The following CRMP1 variants were observed in gnomAD, a reference collection of about 807,000 sequenced individuals.
CRMP1 encodes the protein dihydropyrimidinase-related protein 1.
Under a neutral mutation model 68.3 loss-of-function variants are expected in CRMP1, and 19 were observed. The observed-to-expected ratio is 0.28, with a 90% CI of 0.19 to 0.41. CRMP1 has a LOEUF of 0.41. Among genes scored for constraint, CRMP1 ranks in the 10% least tolerant of loss-of-function variants. The pLI, the probability that CRMP1 is intolerant of heterozygous loss-of-function variation, is 1.00. For missense variants in CRMP1, 791 were observed against 967.4 expected (o/e 0.82, Z 2.42); for synonymous variants, 439 against 399.6 (o/e 1.10, Z -1.18).
Position 5,825,931 on chromosome 4 carries a change from C to CATGCAGTCATGCACACATAT in CRMP1, c.1804-292_1804-273dup. ...CACACCACGCACACGCACTCACATA[C>CATGCAGTCATGCACACATAT]ATGCAGTCATGCACACATATATGCA... is the stretch of plus-strand genomic sequence containing the variant. On this transcript the variant is annotated intron_variant, in intron 12 of 13. Coordinates refer to ENST00000324989, the MANE Select transcript of CRMP1 (RefSeq NM_001014809.3). This position sits in a 1 kb window ranked among gnomAD's most constrained non-coding sequence, Gnocchi z 4.4. 1 of 490,368 alleles carries CATGCAGTCATGCACACATAT rather than the reference C, an allele frequency of 2.0e-6. No individual in the cohort carries two copies. The highest frequency in any genetic ancestry group is 3.6e-6 in the Non-Finnish European group (1 of 279,104). 30.4% of individuals were successfully genotyped at this position (490,368 alleles called of 1,614,324 possible).
At chr4:5,847,847 G>T (rs142884286) in intron 6 of CRMP1, among the ~76,000 whole-genome samples, 4 of 152,166 alleles carry the variant, frequency 2.6e-5, no homozygotes, top group Non-Finnish European at 5.9e-5. Context: ...CGGAGTAGTT[G>T]TGAGTATCAA....
chr4:5,863,115 CTT>C (rs35515710), intron 2 of CRMP1, among the ~76,000 whole-genome samples: 11 of 140,060 alleles, frequency 7.9e-5, no homozygotes, highest in South Asian at 2.3e-4. Flanking sequence ...TCTTTTTTTC[CTT>C]TTTTTTTTTT....
In CRMP1 at chr4:5,833,418, G is replaced by A. The variant is rs1159385680; in HGVS notation, c.1623+2497C>T. Among the ~76,000 whole-genome samples the A allele has an allele frequency of 8.1e-5, 7 of 86,530 alleles. 2 individuals are homozygous for A. Among genetic ancestry groups the A allele is most frequent in the African/African-American group, 1.5e-4 (3 of 19,922 alleles). The allele number at this position is 86,530 out of a possible 152,430, so 56.8% of individuals were successfully genotyped here. On this transcript the variant is annotated intron_variant, in intron 11 of 13. Coordinates refer to ENST00000324989, the MANE Select transcript of CRMP1 (RefSeq NM_001014809.3). ...CCTGACCTCGTGATCCGCCCGCCTC[G>A]GCCTCCCAAAGTGCTGGGATTACAG...
At chr4:5,832,537 CAT>C (rs1269153337) in intron 11 of CRMP1, among the ~76,000 whole-genome samples, 7 of 152,060 alleles carry the variant, frequency 4.6e-5, no homozygotes, top group Admixed American at 1.3e-4. Context: ...TTTTTTAAAA[CAT>C]ATAAAAACAA....
chr4:5,892,465 C>T lies in CRMP1; in HGVS notation c.381+124G>A. On this transcript the variant is annotated intron_variant, in intron 1 of 13. Transcript: ENST00000324989. This position sits in a 1 kb window ranked among gnomAD's most constrained non-coding sequence, Gnocchi z 8.6. ...AGGTGGGGGAGGGGCCGCGCCGTGG[C>T]TCTCCCCAGCCTGGCGGCCGCTGCC... 3.0e-6 allele frequency: 3 copies of T among 995,548 alleles called. No homozygotes were observed. The highest frequency in any genetic ancestry group is 3.7e-6 in the Non-Finnish European group (3 of 800,916). The allele number at this position is 995,548 out of a possible 1,614,324, so 61.7% of individuals were successfully genotyped here.
chr4:5,835,875 G>T (rs1422768521), intron 11 of CRMP1, 40 bp downstream of exon 11: 10 of 1,394,572 alleles, frequency 7.2e-6, no homozygotes, highest in African/African-American at 4.5e-5. Context: ...TTACAACGAA[G>T]AATCACTTAT....
Position 5,821,556 on chromosome 4 carries a change from C to CACA in CRMP1, c.*201_*203dup. ...TGCTCCGAGGTGGATTCAGCATGAA[C>CACA]ACAACTGTGGGGCAAGGAATTTCCA... On this transcript the variant is annotated 3_prime_UTR_variant, in exon 14 of 14. Coordinates refer to ENST00000324989, the MANE Select transcript of CRMP1 (RefSeq NM_001014809.3). The surrounding 1 kb of genome is among the most constrained non-coding windows in gnomAD (Gnocchi z 4.4). 1 of 573,626 alleles carries CACA rather than the reference C, an allele frequency of 1.7e-6. No individual in the cohort carries two copies. The allele number at this position is 573,626 out of a possible 1,614,324, so 35.5% of individuals were successfully genotyped here.
At chr4:5,887,798 G>A in intron 1 of CRMP1, 2 of 990,764 alleles carry the variant, frequency 2.0e-6, no homozygotes, top group Non-Finnish European at 1.2e-6. Context: ...GGGAGGTACC[G>A]GGCTGTGGGG....
chr4:5,888,719 T>C lies in CRMP1; in HGVS notation c.381+3870A>G, dbSNP rs899699874. Reference sequence around the variant, plus strand: ...CCTCGCTCTCGCGATCCAGAGAGTATGGTTTTCAGGGCTCCTTTAAAAGAA... The same window carrying C: ...CCTCGCTCTCGCGATCCAGAGAGTACGGTTTTCAGGGCTCCTTTAAAAGAA... On this transcript the variant is annotated intron_variant, in intron 1 of 13. Transcript: ENST00000324989. The surrounding 1 kb of genome is among the most constrained non-coding windows in gnomAD (Gnocchi z 6.4). The C allele has an allele frequency of 1.5e-5, 11 of 738,854 alleles. No homozygotes were observed. Among genetic ancestry groups the C allele is most frequent in the Non-Finnish European group, 1.8e-5 (11 of 606,912 alleles). 45.8% of individuals were successfully genotyped at this position (738,854 alleles called of 1,614,324 possible).
rs776637871 is a variant in CRMP1, at chr4:5,855,111, C to G, written c.820+1032G>C. ...GTTAAGTGAAAAAAGAAGGGTTCCA[C>G]ATAACAGCTATTGCACAACCACATA... is the stretch of plus-strand genomic sequence containing the variant. On this transcript the variant is annotated intron_variant, in intron 4 of 13. Coordinates refer to ENST00000324989, the MANE Select transcript of CRMP1 (RefSeq NM_001014809.3). The surrounding 1 kb of genome is among the most constrained non-coding windows in gnomAD (Gnocchi z 4.9). 1.3e-5 allele frequency among the ~76,000 whole-genome samples: 2 copies of G among 152,156 alleles called. No homozygotes were observed. Among genetic ancestry groups the G allele is most frequent in the Non-Finnish European group, 2.9e-5 (2 of 68,024 alleles).
intron 1 of CRMP1, among the ~76,000 whole-genome samples, chr4:5,878,568 A>G (rs767423059): frequency 2.0e-4 from 31 of 152,088 alleles, no homozygotes; most frequent in Non-Finnish European, 3.8e-4. Context: ...TTACTCTCTC[A>G]TTACATGCTC....
chr4:5,825,866 CACACATCTACATACCCACATGCAT>C lies in CRMP1; in HGVS notation c.1804-231_1804-208del. ...ATTCATACACACAAGCATGCATACA[CACACATCTACATACCCACATGCAT>C]ACACATACAGACGCACACACCACGC... On this transcript the variant is annotated intron_variant, in intron 12 of 13. Transcript: ENST00000324989. This position sits in a 1 kb window ranked among gnomAD's most constrained non-coding sequence, Gnocchi z 4.4. 2 of 565,214 alleles carry C rather than the reference CACACATCTACATACCCACATGCAT, an allele frequency of 3.5e-6. No individual in the cohort carries two copies. The highest frequency in any genetic ancestry group is 3.8e-5 in the Admixed American group (1 of 26,622). 35.0% of individuals were successfully genotyped at this position (565,214 alleles called of 1,614,324 possible).
In CRMP1 at chr4:5,825,531, G is replaced by C; in HGVS notation, c.1932C>G (p.Pro644=). 6.3e-7 allele frequency: 1 copy of C among 1,582,786 alleles called. No homozygotes were observed. The highest frequency in any genetic ancestry group is 8.5e-7 in the Non-Finnish European group (1 of 1,169,724). Residue 644 remains proline, a synonymous_variant, in exon 13 of 14, where the codon CCC becomes CCG. Transcript: ENST00000324989. This position sits in a 1 kb window ranked among gnomAD's most constrained non-coding sequence, Gnocchi z 4.4. ...KSSPSKHQPP[P]IRNLHQSNFS... The stretch of plus-strand genomic sequence containing the variant: ...AGTTGGACTGGTGGAGGTTTCTGAT[G>C]GGTGGGGGCTGGTGTTTAGAAGGCG...
Position 5,892,733 on chromosome 4 carries a change from TCCCGGCCCTGGCAGCCCGACCGC to T in CRMP1, c.214_236del (p.Ala72ArgfsTer50), listed in dbSNP as rs1716009962. 2 of 1,227,094 alleles carry T rather than the reference TCCCGGCCCTGGCAGCCCGACCGC, an allele frequency of 1.6e-6. No individual in the cohort carries two copies. The highest frequency in any genetic ancestry group is 4.2e-5 in the Admixed American group (1 of 23,688). The allele number at this position is 1,227,094 out of a possible 1,614,324, so 76.0% of individuals were successfully genotyped here. On this transcript the variant is annotated frameshift_variant, in exon 1 of 14. Coordinates refer to ENST00000324989, the MANE Select transcript of CRMP1 (RefSeq NM_001014809.3). LOFTEE classifies it high-confidence loss of function. This position sits in a 1 kb window ranked among gnomAD's most constrained non-coding sequence, Gnocchi z 8.6. ...CGTCGCTGGCCGTGTCCTCGCTGCC[TCCCGGCCCTGGCAGCCCGACCGC>T]GTCGGGCCGGCCAGCGCTGCGCGGC... is the stretch of plus-strand genomic sequence containing the variant.
rs146087789 is a variant in CRMP1, at chr4:5,882,445, G to A, written c.381+10144C>T. 3.2e-3 allele frequency among the ~76,000 whole-genome samples: 494 copies of A among 152,284 alleles called. 6 individuals are homozygous for A. The highest frequency in any genetic ancestry group is 0.012 in the African/African-American group (480 of 41,560). On this transcript the variant is annotated intron_variant, in intron 1 of 13. Transcript: ENST00000324989. ...TGACACCTTGGGGTTGTATGCTATG[G>A]AGCAAAGCTAATACACCATCCCACG...
chr4:5,866,117 G>T lies in CRMP1; in HGVS notation c.470+551C>A, dbSNP rs1335861513. Among the ~76,000 whole-genome samples the T allele has an allele frequency of 2.0e-5, 3 of 152,200 alleles. No homozygotes were observed. Among genetic ancestry groups the T allele is most frequent in the Non-Finnish European group, 4.4e-5 (3 of 68,040 alleles). ...AGACACCTGGGTTGTCATAAGCAGG[G>T]CTGAAGAGGGAGCCAATGAGAAGAA... On this transcript the variant is annotated intron_variant, in intron 2 of 13. Coordinates refer to ENST00000324989, the MANE Select transcript of CRMP1 (RefSeq NM_001014809.3). This position sits in a 1 kb window ranked among gnomAD's most constrained non-coding sequence, Gnocchi z 5.9.
intron 6 of CRMP1, among the ~76,000 whole-genome samples, chr4:5,844,436 G>A (rs540312471): frequency 2.9e-4 from 44 of 152,100 alleles, no homozygotes; most frequent in Non-Finnish European, 6.2e-4. Context: ...GCGAGGAAGG[G>A]AGGATGAAAG....
At position 5,865,287 on chromosome 4, in the gene CRMP1, C is replaced by T. The variant is rs1311129208; in HGVS notation, c.470+1381G>A. On this transcript the variant is annotated intron_variant, in intron 2 of 13. Transcript: ENST00000324989. This position sits in a 1 kb window ranked among gnomAD's most constrained non-coding sequence, Gnocchi z 4.1. ...AGCACCCAGCAAATCCAGGTTACAA[C>T]TCACAGAAAGAGAACTGCCCTGATC... Among the ~76,000 whole-genome samples the T allele has an allele frequency of 2.0e-5, 3 of 152,066 alleles. No homozygotes were observed. Among genetic ancestry groups the T allele is most frequent in the African/African-American group, 7.2e-5 (3 of 41,394 alleles).
Position 5,866,617 on chromosome 4 carries a change from A to C in CRMP1, c.470+51T>G. ...CCAGCCTTCTGTTCCATCTAAGGCC[A>C]GGCAGCCTGGCGACACAGGTTTCTT... On this transcript the variant is annotated intron_variant, in intron 2 of 13. Coordinates refer to ENST00000324989, the MANE Select transcript of CRMP1 (RefSeq NM_001014809.3). The surrounding 1 kb of genome is among the most constrained non-coding windows in gnomAD (Gnocchi z 5.9). The C allele has an allele frequency of 1.5e-6, 2 of 1,377,154 alleles. No individual in the cohort carries two copies. The highest frequency in any genetic ancestry group is 2.1e-6 in the Non-Finnish European group (2 of 970,574). 85.3% of individuals were successfully genotyped at this position (1,377,154 alleles called of 1,614,324 possible). A position where few individuals can be genotyped will look rare whatever the true frequency, so the allele number is the denominator to read the frequency against.
Sources: allele counts gnomAD v4.1 joint callset (sites outside exome capture counted in the v4.1 genomes callset), GRCh38; gene constraint gnomAD v4.1.1; non-coding constraint Gnocchi (gnomAD v3.1); transcripts MANE v1.5; gene names NCBI Gene and HGNC (gene_info 2026-07-23, HGNC 2026-07-21).